Variants in PCDH15 observed in about 807,000 individuals in gnomAD.
PCDH15 encodes protocadherin related 15.
PCDH15 carries 129 observed loss-of-function variants against 178.5 expected under a neutral mutation model. The ratio of observed to expected loss-of-function variants is 0.72; its 90% CI spans 0.63 to 0.84. The LOEUF (loss-of-function observed/expected upper bound fraction) is 0.84, where lower values mean the gene tolerates loss of function less well. PCDH15 is among the 40% of genes least tolerant of loss of function. The pLI is 0.00. For missense variants in PCDH15, 2,230 were observed against 2,099.9 expected (o/e 1.06, Z -1.21); for synonymous variants, 800 against 732.0 (o/e 1.09, Z -1.50).
Position 54,079,410 on chromosome 10 carries a change from G to A in PCDH15, c.2012C>T (p.Thr671Ile). The A allele has an allele frequency of 6.2e-7, 1 of 1,613,982 alleles. No homozygotes were observed. The highest frequency in any genetic ancestry group is 8.5e-7 in the Non-Finnish European group (1 of 1,179,928). ...FNLSETTGILTLGKALDREST... is the reference protein window; with the variant it reads ...FNLSETTGILILGKALDREST... ...TTCCCTGTCCAGTGCTTTCCCTAAG[G>A]TTAGAATCCCCGTGCTAGTGACAAA... The change falls in exon 17 of 38, where the codon ACC (threonine) becomes ATC (isoleucine). Residue 671 changes from threonine to isoleucine, a missense_variant. By Grantham distance (89) the Thr-to-Ile change is moderately conservative. Coordinates refer to ENST00000644397, the MANE Select transcript of PCDH15 (RefSeq NM_001384140.1).
chr10:55,238,962 T>G lies in PCDH15; in HGVS notation c.-155-72311A>C, dbSNP rs144852779. Among the ~76,000 whole-genome samples the G allele has an allele frequency of 6.0e-4, 92 of 152,254 alleles. 2 individuals carry two copies. The East Asian group carries it at 0.012, about 19-fold the overall frequency. ...TAACTATTTTATTCATTCTATATAT[T>G]TTTTACTTATTAACCATTTCTACTT... is the stretch of plus-strand genomic sequence containing the variant. On this transcript the variant is annotated intron_variant, in intron 1 of 5. Coordinates refer to the PCDH15 transcript ENST00000458638.
At chr10:55,454,784 A>G (rs1839515423) in intron 2 of PCDH15, among the ~76,000 whole-genome samples, 1 of 144,996 alleles carries the variant, frequency 6.9e-6, no homozygotes, top group African/African-American at 2.5e-5. Context: ...CTGTCTCAAA[A>G]AAAAAAAAAA....
chr10:55,338,774 C>A (rs1844470793), intron 2 of PCDH15, among the ~76,000 whole-genome samples: 1 of 151,984 alleles, frequency 6.6e-6, no homozygotes, highest in Non-Finnish European at 1.5e-5. Context: ...GAGACTCCAT[C>A]TCAAAAACAA....
intron 1 of PCDH15, among the ~76,000 whole-genome samples, chr10:54,783,243 G>C (rs1950540391): frequency 1.3e-5 from 2 of 152,174 alleles, no homozygotes; most frequent in Admixed American, 1.3e-4. Context: ...AATAATTTAT[G>C]ATCTGAATGA....
chr10:54,907,601 G>A (rs1457806412), intron 2 of PCDH15, among the ~76,000 whole-genome samples: 1 of 151,948 alleles, frequency 6.6e-6, no homozygotes. Flanking sequence ...CATTGTTAAG[G>A]CCCCCTGGGA....
chr10:55,115,814 AG>A (rs543786355), intron 2 of PCDH15, among the ~76,000 whole-genome samples: 4 of 152,334 alleles, frequency 2.6e-5, no homozygotes, highest in South Asian at 4.1e-4. Context: ...CATTGTTAAA[AG>A]GGTTGTGAGA....
At chr10:54,767,521 T>C (rs1387175976) in intron 1 of PCDH15, among the ~76,000 whole-genome samples, 1 of 152,100 alleles carries the variant, frequency 6.6e-6, no homozygotes, top group Non-Finnish European at 1.5e-5. Context: ...AAGAAACTTC[T>C]TTCCTAAGAG....
At chr10:54,747,085 T>A (rs191959361) in intron 1 of PCDH15, among the ~76,000 whole-genome samples, 194 of 152,324 alleles carry the variant, frequency 1.3e-3, no homozygotes, top group Middle Eastern at 0.01. Flanking sequence ...ATAAGTTCAT[T>A]AGAGACTTAA....
chr10:54,985,333 T>G (rs1839337148), intron 2 of PCDH15, among the ~76,000 whole-genome samples: 1 of 152,156 alleles, frequency 6.6e-6, no homozygotes, highest in South Asian at 2.1e-4. Context: ...TACAAATATT[T>G]GTGTTTATAC....
intron 2 of PCDH15, among the ~76,000 whole-genome samples, chr10:55,146,326 C>A (rs1838509671): frequency 6.6e-6 from 1 of 151,878 alleles, no homozygotes; most frequent in Admixed American, 6.6e-5. Flanking sequence ...TAAGATTTTG[C>A]CCTTTTGTTT....
intron 1 of PCDH15, among the ~76,000 whole-genome samples, chr10:55,289,188 T>G (rs755296188): frequency 6.6e-6 from 1 of 152,044 alleles, no homozygotes; most frequent in Non-Finnish European, 1.5e-5. Context: ...TCCCCACATC[T>G]TGTGAGTCAC....
At position 54,183,488 on chromosome 10, in the gene PCDH15, C is replaced by A; in HGVS notation, c.1546G>T (p.Val516Leu). 3 of 1,613,760 alleles carry A rather than the reference C, an allele frequency of 1.9e-6. No homozygotes were observed. In the South Asian group the frequency reaches 3.3e-5, roughly 18 times the overall value. Residue 516 changes from valine (V) to leucine (L), a missense_variant, in exon 13 of 38, where the codon GTG becomes TTG. Transcript: ENST00000644397. The stretch of plus-strand genomic sequence containing the variant: ...GGTCTCATGTCTGTATAAACATACA[C>A]ATCATAGGATATTTCAGGGAAGGTT... ...TPTFPEISYD[V>L]YVYTDMRPGD...
At chr10:55,525,680 A>C (rs1841288328) in intron 2 of PCDH15, among the ~76,000 whole-genome samples, 1 of 151,940 alleles carries the variant, frequency 6.6e-6, no homozygotes, top group African/African-American at 2.4e-5. Flanking sequence ...AAAGATATAT[A>C]AACTTTGCAA....
rs541852840 is a variant in PCDH15 at position 54,778,991 on chromosome 10, T to C, written c.-29+21934A>G. On this transcript the variant is annotated intron_variant, in intron 1 of 37. Coordinates refer to ENST00000644397, the MANE Select transcript of PCDH15 (RefSeq NM_001384140.1). ...CTATCTATTGCTTTTAAATAACTTA[T>C]GCTGCTCGTGTGTGAAGGGATTTCT... Among the ~76,000 whole-genome samples the C allele has an allele frequency of 6.6e-5, 10 of 152,208 alleles. No individual in the cohort carries two copies. In the South Asian group the frequency reaches 2.1e-3, roughly 32 times the overall value.
At chr10:54,240,911 G>A (rs1591370512) in intron 8 of PCDH15, among the ~76,000 whole-genome samples, 1 of 152,092 alleles carries the variant, frequency 6.6e-6, no homozygotes, top group African/African-American at 2.4e-5. Context: ...GATTACAGGA[G>A]TGAGCCACCG....
intron 3 of PCDH15, among the ~76,000 whole-genome samples, chr10:54,849,854 T>C (rs984287080): frequency 1.3e-5 from 2 of 152,190 alleles, no homozygotes; most frequent in African/African-American, 2.4e-5. Context: ...ATATTTACAA[T>C]GTGGTTGAAC....
intron 1 of PCDH15, among the ~76,000 whole-genome samples, chr10:55,289,678 T>C (rs1842959937): frequency 6.6e-6 from 1 of 152,096 alleles, no homozygotes; most frequent in Non-Finnish European, 1.5e-5. Context: ...TCCATTTAAT[T>C]AATCTATCTA....
At chr10:55,061,959 G>A (rs1841445800) in intron 2 of PCDH15, among the ~76,000 whole-genome samples, 1 of 152,214 alleles carries the variant, frequency 6.6e-6, no homozygotes, top group Admixed American at 6.5e-5. Flanking sequence ...TGGGGAGGTT[G>A]CATTGAGCCA....
chr10:55,366,898 A>ATG (rs1845372969), intron 2 of PCDH15, among the ~76,000 whole-genome samples: 1 of 145,440 alleles, frequency 6.9e-6, no homozygotes, highest in Non-Finnish European at 1.5e-5. Flanking sequence ...GGGTGTTTGC[A>ATG]TGTGTGTGTG....
Sources: allele counts gnomAD v4.1 joint callset (sites outside exome capture counted in the v4.1 genomes callset), GRCh38; gene constraint gnomAD v4.1.1; transcripts MANE v1.5; gene names NCBI Gene and HGNC (gene_info 2026-07-23, HGNC 2026-07-21).